Variants in DYNC2I1 observed in about 807,000 individuals in gnomAD.
DYNC2I1 encodes cytoplasmic dynein 2 intermediate chain 1.
A neutral mutation model predicts 133.4 loss-of-function variants in DYNC2I1; 89 were observed. That is an observed-to-expected ratio of 0.67 (90% CI 0.56 to 0.80). The LOEUF is 0.80. DYNC2I1 is among the 30% of genes least tolerant of loss of function. The pLI, the probability that DYNC2I1 is intolerant of heterozygous loss-of-function variation, is 0.00. For synonymous variants in DYNC2I1, 504 were observed against 484.3 expected, an observed-to-expected ratio of 1.04 and a Z score of -0.54; for missense variants, 1,291 against 1,314.5, an observed-to-expected ratio of 0.98 and a Z score of 0.28.
intron 2 of DYNC2I1, 151 bp from the exon 3 acceptor site, chr7:158,870,991 G>A (rs764734547): frequency 3.0e-5 from 27 of 891,870 alleles, no homozygotes; most frequent in South Asian, 3.7e-5. Context: ...GCTTTGGCCC[G>A]TCTGGGATTG....
rs756722452 is a variant in DYNC2I1 at position 158,934,435 on chromosome 7, C to G, written c.2664C>G (p.Gly888=). 4 of 1,602,956 alleles carry G rather than the reference C, an allele frequency of 2.5e-6. No individual in the cohort carries two copies. The highest frequency in any genetic ancestry group is 2.6e-6 in the Non-Finnish European group (3 of 1,174,466). Residue 888 remains glycine (G), a synonymous_variant, in exon 23 of 25, where the codon GGC becomes GGG. Transcript: ENST00000407559. ...CTTCACAGGGTCTCATAAGCCATGGCACAAGACAAGATTTGAGAGTGGCTC... is the reference window on the plus strand; with the variant it reads ...CTTCACAGGGTCTCATAAGCCATGGGACAAGACAAGATTTGAGAGTGGCTC... The part of the protein sequence containing the change: ...IGTDMGLISH[G]TRQDLRVAPK...
At chr7:158,917,705 C>T (rs1848611855) in intron 14 of DYNC2I1, among the ~76,000 whole-genome samples, 2 of 151,702 alleles carry the variant, frequency 1.3e-5, no homozygotes, top group East Asian at 1.9e-4. Context: ...CTAAACACCC[C>T]CTGCCCTCCA....
chr7:158,863,699 T>A, intron 1 of DYNC2I1, among the ~76,000 whole-genome samples: 1 of 42,342 alleles, frequency 2.4e-5, no homozygotes, highest in Admixed American at 3.6e-4. Context: ...TAGCTCCTGG[T>A]GTGTGTGGGG....
chr7:158,897,289 G>A (rs1372926218), intron 8 of DYNC2I1, among the ~76,000 whole-genome samples: 2 of 152,116 alleles, frequency 1.3e-5, no homozygotes, highest in Non-Finnish European at 2.9e-5. Context: ...GTGAGCTACC[G>A]TGCCCAGGTA....
At chr7:158,908,952 T>C (rs536300518) in intron 11 of DYNC2I1, among the ~76,000 whole-genome samples, 9 of 152,196 alleles carry the variant, frequency 5.9e-5, no homozygotes, top group Admixed American at 5.9e-4. Flanking sequence ...TCAGTAAATG[T>C]ATGAAAATAT....
In DYNC2I1 at chr7:158,936,543, C is replaced by T. The variant is rs543946904; in HGVS notation, c.2778+1994C>T. On this transcript the variant is annotated intron_variant, in intron 23 of 24. Transcript: ENST00000407559. ...CCAGTTTTTCTACTTTCTTGGGTGC[C>T]CTGTCCCTGCCTCAGCCCATGGGGA... Among the ~76,000 whole-genome samples the T allele has an allele frequency of 2.0e-5, 3 of 152,314 alleles. No individual in the cohort carries two copies. The East Asian group carries it at 5.8e-4, about 29-fold the overall frequency.
intron 22 of DYNC2I1, 32 bp downstream of exon 22, chr7:158,934,260 T>C (rs1455586149): frequency 1.3e-6 from 2 of 1,574,758 alleles, no homozygotes; most frequent in Non-Finnish European, 8.6e-7. Flanking sequence ...ATCCTATTAC[T>C]CATTCTCCTT....
intron 23 of DYNC2I1, among the ~76,000 whole-genome samples, chr7:158,940,289 C>A (rs1172189685): frequency 6.6e-6 from 1 of 152,070 alleles, no homozygotes; most frequent in African/African-American, 2.4e-5. Context: ...AGCCTAGATC[C>A]CTCGCATACA....
intron 17 of DYNC2I1, among the ~76,000 whole-genome samples, chr7:158,924,661 C>T (rs936732515): frequency 6.6e-6 from 1 of 152,108 alleles, no homozygotes; most frequent in Non-Finnish European, 1.5e-5. Flanking sequence ...CTAACTGCTG[C>T]TGCTATTACT....
At chr7:158,885,773 A>C (rs1166249182) in intron 6 of DYNC2I1, among the ~76,000 whole-genome samples, 1 of 152,206 alleles carries the variant, frequency 6.6e-6, no homozygotes, top group Non-Finnish European at 1.5e-5. Flanking sequence ...GGCAAAGCTA[A>C]CACTTAAACC....
Position 158,930,574 on chromosome 7 carries a change from T to C in DYNC2I1, c.2546+59T>C, listed in dbSNP as rs1850120168. 3.5e-6 allele frequency: 5 copies of C among 1,438,782 alleles called. No individual in the cohort carries two copies. In the South Asian group the frequency reaches 6.1e-5, roughly 18 times the overall value. The allele number at this position is 1,438,782 out of a possible 1,614,324, so 89.1% of individuals were successfully genotyped here. On this transcript the variant is annotated intron_variant, in intron 21 of 24. Transcript: ENST00000407559. ...CAAAGACCTAGAAGGAAAATAACAT[T>C]GGGGAATTGCATATACGGTAAATGG...
chr7:158,864,145 C>T (rs1304243388), intron 1 of DYNC2I1, among the ~76,000 whole-genome samples: 4 of 151,766 alleles, frequency 2.6e-5, no homozygotes, highest in African/African-American at 9.7e-5. Flanking sequence ...ACGTTCTTAG[C>T]TCTGGGTGTG....
downstream of DYNC2I1, among the ~76,000 whole-genome samples, chr7:158,951,083 T>C (rs1289612457): frequency 6.6e-6 from 1 of 152,244 alleles, no homozygotes; most frequent in Non-Finnish European, 1.5e-5. Flanking sequence ...TCAGTCATAG[T>C]TATTTAAAAT....
At chr7:158,856,980 G>A (rs557113442) in intron 1 of DYNC2I1, among the ~76,000 whole-genome samples, 198 of 152,150 alleles carry the variant, frequency 1.3e-3, no homozygotes, top group Non-Finnish European at 1.5e-3. Context: ...GGGAGAGGCG[G>A]TCTGTGCAGC....
intron 1 of DYNC2I1, among the ~76,000 whole-genome samples, chr7:158,857,357 CAATA>C (rs1387498422): frequency 3.3e-5 from 5 of 152,100 alleles, no homozygotes; most frequent in African/African-American, 1.2e-4. Context: ...CATTAACACT[CAATA>C]AATGTTAGAT....
At chr7:158,926,646 C>T (rs1849657394) in intron 19 of DYNC2I1, among the ~76,000 whole-genome samples, 183 bp downstream of exon 19, 1 of 152,204 alleles carries the variant, frequency 6.6e-6, no homozygotes, top group Admixed American at 6.5e-5. Context: ...GTTTGGGGCC[C>T]TTTCGTGACA....
intron 1 of DYNC2I1, among the ~76,000 whole-genome samples, chr7:158,865,145 C>T (rs969029492): frequency 6.6e-6 from 1 of 152,300 alleles, no homozygotes; most frequent in Admixed American, 6.5e-5. Context: ...TGAGTGTCCT[C>T]CCTGAAGTGA....
chr7:158,849,486 T>G, the DYNC2I1 span, among the ~76,000 whole-genome samples: 1 of 152,198 alleles, frequency 6.6e-6, no homozygotes, highest in Non-Finnish European at 1.5e-5. Flanking sequence ...CTGGGAAGAA[T>G]GAGGTACACA....
intron 11 of DYNC2I1, 119 bp downstream of exon 11, chr7:158,906,210 G>A: frequency 1.2e-6 from 1 of 833,080 alleles, no homozygotes; most frequent in Non-Finnish European, 1.9e-6. Flanking sequence ...TGGGGTGTAT[G>A]ACTTAATTTG....
Sources: allele counts gnomAD v4.1 joint callset (sites outside exome capture counted in the v4.1 genomes callset), GRCh38; gene constraint gnomAD v4.1.1; transcripts MANE v1.5; gene names NCBI Gene and HGNC (gene_info 2026-07-23, HGNC 2026-07-21).